Variants in OSBPL3 observed in about 807,000 individuals in gnomAD.
The protein encoded by OSBPL3 is oxysterol-binding protein-related protein 3.
A neutral mutation model predicts 120.1 loss-of-function variants in OSBPL3; 65 were observed. The observed-to-expected ratio is 0.54, with a 90% CI of 0.44 to 0.67. The LOEUF (loss-of-function observed/expected upper bound fraction) is 0.67. Among genes scored for constraint, OSBPL3 ranks in the 30% least tolerant of loss-of-function variants. The pLI, the probability that OSBPL3 is intolerant of heterozygous loss-of-function variation, is 0.00. For synonymous variants in OSBPL3, 416 were observed against 402.6 expected (o/e 1.03, Z -0.40); for missense variants, 1,004 against 1,082.1 (o/e 0.93, Z 1.01).
In OSBPL3 at chr7:24,912,260, C is replaced by CA. The variant is rs1304095524; in HGVS notation, c.-149-19640dup. On this transcript the variant is annotated intron_variant, in intron 1 of 22. Coordinates refer to ENST00000313367, the MANE Select transcript of OSBPL3 (RefSeq NM_015550.4). This position sits in a 1 kb window ranked among gnomAD's most constrained non-coding sequence, Gnocchi z 4.5. Reference sequence around the variant, plus strand: ...AGTTTACATCTAGTAAGAATGTTACCAAAAAATAATAGTTCATAGGAATTA... The same window carrying CA: ...AGTTTACATCTAGTAAGAATGTTACCAAAAAAATAATAGTTCATAGGAATTA... Among the ~76,000 whole-genome samples, 1 of 151,770 alleles carries CA rather than the reference C, an allele frequency of 6.6e-6. No homozygotes were observed. Among genetic ancestry groups the CA allele is most frequent in the African/African-American group, 2.4e-5 (1 of 41,262 alleles).
At chr7:24,866,411 G>A (rs978432397) in intron 5 of OSBPL3, among the ~76,000 whole-genome samples, 174 bp from the exon 6 acceptor site, 2 of 152,196 alleles carry the variant, frequency 1.3e-5, no homozygotes, top group Non-Finnish European at 2.9e-5. Context: ...GCCACGGAGG[G>A]AGGACCACTT....
chr7:24,825,038 C>T (rs1470148482), intron 16 of OSBPL3, among the ~76,000 whole-genome samples: 2 of 152,154 alleles, frequency 1.3e-5, no homozygotes, highest in Non-Finnish European at 2.9e-5. Flanking sequence ...GTGAGATTTT[C>T]GAGGGCGTTG....
At chr7:24,861,588 T>C in intron 10 of OSBPL3, 25 bp downstream of exon 10, 1 of 1,529,690 alleles carries the variant, frequency 6.5e-7, no homozygotes. Flanking sequence ...ATCAAACACA[T>C]TAGGAAGAAA....
At position 24,922,284 on chromosome 7, in the gene OSBPL3, G is replaced by T. The variant is rs117842006; in HGVS notation, c.-149-29663C>A. On this transcript the variant is annotated intron_variant, in intron 1 of 22. Coordinates refer to ENST00000313367, the MANE Select transcript of OSBPL3 (RefSeq NM_015550.4). This position sits in a 1 kb window ranked among gnomAD's most constrained non-coding sequence, Gnocchi z 4.3. ...AAGTCCTAGAAGGGCACAGTGAGGG[G>T]GACTGGGGAGAGCACAAACTTTCGT... Among the ~76,000 whole-genome samples the T allele has an allele frequency of 6.9e-4, 105 of 152,236 alleles. 1 individual carries two copies. The highest frequency in any genetic ancestry group is 1.4e-3 in the Non-Finnish European group (92 of 68,022).
At position 24,816,785 on chromosome 7, in the gene OSBPL3, A is replaced by G. The variant is rs552149669; in HGVS notation, c.1949-97T>C. 3 of 791,800 alleles carry G rather than the reference A, an allele frequency of 3.8e-6. No individual in the cohort carries two copies. The South Asian group carries it at 4.4e-5, about 12-fold the overall frequency. 49.0% of individuals were successfully genotyped at this position (791,800 alleles called of 1,614,324 possible). The stretch of plus-strand genomic sequence containing the variant: ...AAATGATCAATCGCTATATAGTACA[A>G]CCTCTTCACAATCAAGTCAATTATT... On this transcript the variant is annotated intron_variant, in intron 17 of 22. Transcript: ENST00000313367.
In OSBPL3 at chr7:24,900,145, C is replaced by T. The variant is rs1806776348; in HGVS notation, c.-149-7524G>A. Among the ~76,000 whole-genome samples the T allele has an allele frequency of 6.6e-6, 1 of 152,142 alleles. No homozygotes were observed. Among genetic ancestry groups the T allele is most frequent in the South Asian group, 2.1e-4 (1 of 4,826 alleles). ...TAGGAATGCAAAATCTCTGACCCTA[C>T]CACAGACCAACAAAATCAGGAACTG... On this transcript the variant is annotated intron_variant, in intron 1 of 22. Coordinates refer to ENST00000313367, the MANE Select transcript of OSBPL3 (RefSeq NM_015550.4). This position sits in a 1 kb window ranked among gnomAD's most constrained non-coding sequence, Gnocchi z 4.5.
At chr7:24,931,580 C>T (rs1264750293) in intron 1 of OSBPL3, among the ~76,000 whole-genome samples, 1 of 152,146 alleles carries the variant, frequency 6.6e-6, no homozygotes, top group Non-Finnish European at 1.5e-5. Flanking sequence ...AGTGAATTCT[C>T]CACAAAAGCC....
At chr7:24,850,455 G>A (rs1042557578) in intron 11 of OSBPL3, among the ~76,000 whole-genome samples, 1 of 152,164 alleles carries the variant, frequency 6.6e-6, no homozygotes, top group Non-Finnish European at 1.5e-5. Flanking sequence ...AAGAAGCTCT[G>A]AGCCTTTTGC....
At position 24,937,490 on chromosome 7, in the gene OSBPL3, C is replaced by T. The variant is rs1229659735; in HGVS notation, c.-150+42396G>A. 6.6e-6 allele frequency among the ~76,000 whole-genome samples: 1 copy of T among 152,160 alleles called. No homozygotes were observed. Among genetic ancestry groups the T allele is most frequent in the South Asian group, 2.1e-4 (1 of 4,838 alleles). On this transcript the variant is annotated intron_variant, in intron 1 of 22. Coordinates refer to ENST00000313367, the MANE Select transcript of OSBPL3 (RefSeq NM_015550.4). The surrounding 1 kb of genome is among the most constrained non-coding windows in gnomAD (Gnocchi z 4.0). The stretch of plus-strand genomic sequence containing the variant: ...ATACATATAGTTTTAGTTCTTTCTG[C>T]TTTATAGAATTTAATTTACTGAGTC...
At chr7:24,920,975 TG>T (rs1167587595) in intron 1 of OSBPL3, among the ~76,000 whole-genome samples, 1 of 152,212 alleles carries the variant, frequency 6.6e-6, no homozygotes, top group East Asian at 1.9e-4. Context: ...GTAATGAACC[TG>T]GGGTCTTCTA....
In OSBPL3 at chr7:24,912,067, AG is replaced by A; in HGVS notation, c.-149-19447del. ...TTTGTTTTTTCTTAATTGACACGGT[AG>A]GTAGTAGGTTATTTGTTTATCAAAT... On this transcript the variant is annotated intron_variant, in intron 1 of 22. Transcript: ENST00000313367. This position sits in a 1 kb window ranked among gnomAD's most constrained non-coding sequence, Gnocchi z 4.5. Among the ~76,000 whole-genome samples, 1 of 152,314 alleles carries A rather than the reference AG, an allele frequency of 6.6e-6. No homozygotes were observed. The highest frequency in any genetic ancestry group is 1.5e-5 in the Non-Finnish European group (1 of 68,016).
chr7:24,904,653 A>G (rs1807592153), intron 1 of OSBPL3, among the ~76,000 whole-genome samples: 2 of 152,342 alleles, frequency 1.3e-5, no homozygotes, highest in Middle Eastern at 3.4e-3. Flanking sequence ...CATACAACAG[A>G]GTATTATTCA....
intron 2 of OSBPL3, among the ~76,000 whole-genome samples, chr7:24,884,411 G>A (rs1267260502): frequency 6.6e-6 from 1 of 152,164 alleles, no homozygotes; most frequent in East Asian, 1.9e-4. Flanking sequence ...GAGTTGTGCT[G>A]AGACTCCAAA....
chr7:24,957,544 T>G (rs551924035), intron 1 of OSBPL3, among the ~76,000 whole-genome samples: 3 of 152,282 alleles, frequency 2.0e-5, no homozygotes, highest in African/African-American at 7.2e-5. Context: ...TTCAACTTGT[T>G]TTGCTTTTTG....
At chr7:24,856,725 A>C (rs1311901525) in intron 10 of OSBPL3, among the ~76,000 whole-genome samples, 1 of 152,210 alleles carries the variant, frequency 6.6e-6, no homozygotes, top group East Asian at 1.9e-4. Flanking sequence ...CTACTATCAC[A>C]GAGCACCTAA....
At chr7:24,951,183 A>C (rs1814391973) in intron 1 of OSBPL3, among the ~76,000 whole-genome samples, 1 of 152,210 alleles carries the variant, frequency 6.6e-6, no homozygotes, top group Non-Finnish European at 1.5e-5. Flanking sequence ...GAGATTATGG[A>C]ATCAGACTGA....
At chr7:24,832,806 G>A (rs1796558318) in intron 15 of OSBPL3, among the ~76,000 whole-genome samples, 1 of 152,172 alleles carries the variant, frequency 6.6e-6, no homozygotes, top group Admixed American at 6.5e-5. Flanking sequence ...TGGGTTGGTG[G>A]CATGAGGGAG....
At position 24,840,668 on chromosome 7, in the gene OSBPL3, G is replaced by A. The variant is rs550802520; in HGVS notation, c.1495+22C>T. 6.9e-4 allele frequency: 743 copies of A among 1,078,178 alleles called. 12 individuals carry two copies. In the South Asian group the frequency reaches 0.01, roughly 15 times the overall value. The allele number at this position is 1,078,178 out of a possible 1,614,324, so 66.8% of individuals were successfully genotyped here. ...TGTATGAAAATCCAAACTTTTCAGA[G>A]ATTAAATAATGTAAATCTTACCCAA... On this transcript the variant is annotated intron_variant, in intron 14 of 22. Coordinates refer to ENST00000313367, the MANE Select transcript of OSBPL3 (RefSeq NM_015550.4).
rs142720310 is a variant in OSBPL3 at position 24,938,779 on chromosome 7, ATGTGTGTGTGTGTGTGTGTGTGTG to A, written c.-150+41083_-150+41106del. 3.2e-5 allele frequency among the ~76,000 whole-genome samples: 3 copies of A among 94,232 alleles called. No homozygotes were observed. The highest frequency in any genetic ancestry group is 3.0e-4 in the East Asian group (1 of 3,312). The allele number at this position is 94,232 out of a possible 152,430, so 61.8% of individuals were successfully genotyped here. On this transcript the variant is annotated intron_variant, in intron 1 of 22. Transcript: ENST00000313367. This position sits in a 1 kb window ranked among gnomAD's most constrained non-coding sequence, Gnocchi z 5.8. ...AACTGAATAATGAGGTTTTGTTTTG[ATGTGTGTGTGTGTGTGTGTGTGTG>A]TGTGTGTGTGTGTGTGTGTGTGTGT...
Sources: allele counts gnomAD v4.1 joint callset (sites outside exome capture counted in the v4.1 genomes callset), GRCh38; gene constraint gnomAD v4.1.1; non-coding constraint Gnocchi (gnomAD v3.1); transcripts MANE v1.5; gene names NCBI Gene and HGNC (gene_info 2026-07-23, HGNC 2026-07-21).